Variants in ADARB1 observed in about 807,000 individuals in gnomAD.
ADARB1 encodes the protein adenosine deaminase RNA specific B1.
ADARB1 carries 10 observed loss-of-function variants against 52.4 expected under a neutral mutation model. The ratio of observed to expected loss-of-function variants is 0.19; its 90% CI spans 0.12 to 0.32. ADARB1 has a LOEUF of 0.32. ADARB1 is among the 10% of genes least tolerant of loss of function. The probability of loss-of-function intolerance (pLI) is 1.00; values close to 1 mark genes in which losing one functional copy is unlikely to be tolerated. For synonymous variants in ADARB1, 349 were observed against 371.1 expected (o/e 0.94, Z 0.68); for missense variants, 643 against 922.3 (o/e 0.70, Z 3.92).
chr21:45,188,931 A>G (rs1286105734), intron 8 of ADARB1, among the ~76,000 whole-genome samples: 5 of 152,238 alleles, frequency 3.3e-5, no homozygotes, highest in Non-Finnish European at 7.3e-5. Flanking sequence ...AGGCCTCACA[A>G]TCATGGCAGA....
chr21:45,202,318 G>A (rs1434023577), intron 8 of ADARB1, among the ~76,000 whole-genome samples: 2 of 152,196 alleles, frequency 1.3e-5, no homozygotes, highest in African/African-American at 2.4e-5. Context: ...TGAGCAGGGT[G>A]AGGGTGACCC....
At chr21:45,091,554 T>G (rs942167426) in intron 1 of ADARB1, among the ~76,000 whole-genome samples, 1 of 152,240 alleles carries the variant, frequency 6.6e-6, no homozygotes, top group Non-Finnish European at 1.5e-5. Flanking sequence ...CCCACCAGCA[T>G]GATCTCTGTC....
intron 1 of ADARB1, among the ~76,000 whole-genome samples, chr21:45,122,848 G>A (rs2088283833): frequency 2.0e-5 from 3 of 152,196 alleles, no homozygotes; most frequent in African/African-American, 7.2e-5. Context: ...TCTTTTTTGT[G>A]TGAGGAATAT....
intron 8 of ADARB1, among the ~76,000 whole-genome samples, chr21:45,198,168 T>G (rs2092466805): frequency 6.6e-6 from 1 of 152,168 alleles, no homozygotes; most frequent in Non-Finnish European, 1.5e-5. Context: ...GAGCAGAAAT[T>G]AGTTTTGTAA....
chr21:45,205,570 G>C (rs1314347408), intron 9 of ADARB1, among the ~76,000 whole-genome samples: 1 of 152,196 alleles, frequency 6.6e-6, no homozygotes, highest in South Asian at 2.1e-4. Flanking sequence ...GTGGAACCAG[G>C]GGTGCCAATG....
Position 45,176,862 on chromosome 21 carries a change from C to T in ADARB1, c.963+198C>T, listed in dbSNP as rs9980347. Among the ~76,000 whole-genome samples, 3,347 of 152,274 alleles carry T rather than the reference C, an allele frequency of 0.022. 94 individuals carry two copies. The highest frequency in any genetic ancestry group is 0.062 in the African/African-American group (2,572 of 41,536). On this transcript the variant is annotated intron_variant, in intron 4 of 10. Coordinates refer to ENST00000348831, the MANE Select transcript of ADARB1 (RefSeq NM_001112.4). The surrounding 1 kb of genome is among the most constrained non-coding windows in gnomAD (Gnocchi z 5.8). ...CTGAGAAGCCGTCTGCATCCTAGTG[C>T]ATGCTGGGTCTGTCGCAATGCAAGG...
At chr21:45,134,973 CA>C (rs1048847535) in intron 2 of ADARB1, 17 of 374,844 alleles carry the variant, frequency 4.5e-5, no homozygotes, top group Admixed American at 3.9e-4. Flanking sequence ...CAGGGACTGG[CA>C]GGCTGTAGCC....
At chr21:45,090,345 C>T (rs1176705290) in intron 1 of ADARB1, among the ~76,000 whole-genome samples, 1 of 152,080 alleles carries the variant, frequency 6.6e-6, no homozygotes. Flanking sequence ...CCCAGCCCTA[C>T]CCCTAGTCTT....
chr21:45,075,155 G>A lies in ADARB1; in HGVS notation c.-220+362G>A. Among the ~76,000 whole-genome samples the A allele has an allele frequency of 1.3e-5, 2 of 151,504 alleles. 1 individual carries two copies. Among genetic ancestry groups the A allele is most frequent in the East Asian group, 3.9e-4 (2 of 5,112 alleles). Reference sequence around the variant, plus strand: ...CGAGACTGCGTTTTGGGGAGGGGACGGTGTGCCCTGGAGATCGGAGGCTGC... The same window carrying A: ...CGAGACTGCGTTTTGGGGAGGGGACAGTGTGCCCTGGAGATCGGAGGCTGC... On this transcript the variant is annotated intron_variant, in intron 1 of 10. Transcript: ENST00000348831.
At chr21:45,119,918 C>T (rs1013436187) in intron 1 of ADARB1, among the ~76,000 whole-genome samples, 1 of 152,212 alleles carries the variant, frequency 6.6e-6, no homozygotes, top group Non-Finnish European at 1.5e-5. Context: ...ATAAATAAAG[C>T]TGTCATTGGT....
intron 2 of ADARB1, among the ~76,000 whole-genome samples, chr21:45,146,850 T>C (rs1473797737): frequency 6.6e-6 from 1 of 152,242 alleles, no homozygotes; most frequent in Non-Finnish European, 1.5e-5. Context: ...TGATCTGGAC[T>C]GCACTTAACC....
intron 2 of ADARB1, among the ~76,000 whole-genome samples, chr21:45,138,881 G>C (rs1217892153): frequency 6.6e-6 from 1 of 151,894 alleles, no homozygotes. Flanking sequence ...TCAGCTCCTC[G>C]GTGGTGTCAG....
intron 2 of ADARB1, among the ~76,000 whole-genome samples, chr21:45,149,129 C>T (rs2145936167): frequency 6.6e-6 from 1 of 152,368 alleles, no homozygotes; most frequent in South Asian, 2.1e-4. Flanking sequence ...CCCAGGGCAG[C>T]TTCCCATGAT....
chr21:45,171,896 G>A (rs750886281), intron 3 of ADARB1: 54 of 557,008 alleles, frequency 9.7e-5, no homozygotes, highest in South Asian at 6.6e-5. Context: ...CGTTATCGTC[G>A]TGGGGCATCA....
chr21:45,190,308 C>G (rs1032556257), intron 8 of ADARB1, among the ~76,000 whole-genome samples: 1 of 152,064 alleles, frequency 6.6e-6, no homozygotes, highest in Non-Finnish European at 1.5e-5. Context: ...ACTAATATCT[C>G]TTTGTTGATA....
At chr21:45,198,278 A>G (rs577979438) in intron 8 of ADARB1, among the ~76,000 whole-genome samples, 7 of 152,310 alleles carry the variant, frequency 4.6e-5, no homozygotes, top group Admixed American at 1.3e-4. Context: ...GAGGCTGATC[A>G]AGAAGACAGA....
intron 8 of ADARB1, among the ~76,000 whole-genome samples, chr21:45,197,387 C>G (rs1203217435): frequency 1.3e-5 from 2 of 151,768 alleles, no homozygotes; most frequent in Non-Finnish European, 2.9e-5. Flanking sequence ...GTAGTCCCAG[C>G]TACTCAGGAG....
rs549429605 is a variant in ADARB1 at position 45,094,844 on chromosome 21, T to G, written c.-220+20051T>G. Among the ~76,000 whole-genome samples, 5 of 152,216 alleles carry G rather than the reference T, an allele frequency of 3.3e-5. No individual in the cohort carries two copies. In the East Asian group the frequency reaches 5.8e-4, roughly 18 times the overall value. On this transcript the variant is annotated intron_variant, in intron 1 of 10. Coordinates refer to ENST00000348831, the MANE Select transcript of ADARB1 (RefSeq NM_001112.4). The stretch of plus-strand genomic sequence containing the variant: ...AGCAGATGTAAAGTCATAACTGTGA[T>G]GAAGGAAGACCAATTGAGGACCTCC...
At position 45,157,123 on chromosome 21, in the gene ADARB1, A is replaced by G. The variant is rs577762743; in HGVS notation, c.-47-14487A>G. 1.3e-5 allele frequency among the ~76,000 whole-genome samples: 2 copies of G among 152,246 alleles called. No individual in the cohort carries two copies. The highest frequency in any genetic ancestry group is 3.9e-4 in the East Asian group (2 of 5,184). ...CTGTGCTGATGGGCCTCGCAGCACA[A>G]GAAAGACTCTGCTGCCTGGGCAGGA... is the stretch of plus-strand genomic sequence containing the variant. On this transcript the variant is annotated intron_variant, in intron 2 of 10. Transcript: ENST00000348831. This position sits in a 1 kb window ranked among gnomAD's most constrained non-coding sequence, Gnocchi z 4.1.
Sources: allele counts gnomAD v4.1 joint callset (sites outside exome capture counted in the v4.1 genomes callset), GRCh38; gene constraint gnomAD v4.1.1; non-coding constraint Gnocchi (gnomAD v3.1); transcripts MANE v1.5; gene names NCBI Gene and HGNC (gene_info 2026-07-23, HGNC 2026-07-21).